The following DNAH14 variants were observed in gnomAD, a reference collection of about 807,000 sequenced individuals.
DNAH14 encodes the protein dynein axonemal heavy chain 14, also known as axonemal beta dynein heavy chain 14.
Under a neutral mutation model 520.9 loss-of-function variants are expected in DNAH14, and 478 were observed. That is an observed-to-expected ratio of 0.92 (90% CI 0.85 to 0.99). DNAH14 has a LOEUF of 0.99. Among genes scored for constraint, DNAH14 ranks in the 50% least tolerant of loss-of-function variants. The pLI, the probability that DNAH14 is intolerant of heterozygous loss-of-function variation, is 0.00. For missense variants in DNAH14, 4,831 were observed against 5,234.5 expected (o/e 0.92, Z 2.38); for synonymous variants, 1,581 against 1,757.2 (o/e 0.90, Z 2.51).
rs768790328 is a variant in DNAH14 at position 225,289,892 on chromosome 1, TA to T, written c.8280del (p.Ile2760MetfsTer16). The T allele has an allele frequency of 7.1e-7, 1 of 1,409,972 alleles. No individual in the cohort carries two copies. Among genetic ancestry groups the T allele is most frequent in the South Asian group, 1.7e-5 (1 of 57,762 alleles). The allele number at this position is 1,409,972 out of a possible 1,614,324, so 87.3% of individuals were successfully genotyped here. A position where few individuals can be genotyped will look rare whatever the true frequency, so the allele number is the denominator to read the frequency against. ...ATTTCTTTTCTCCCAAAGATTGGAA[TA>T]GATGGATGTGGGAAAAAAACATGTG... is the stretch of plus-strand genomic sequence containing the variant. ...QPGSHMLLIG[I>X]DGCGKKTCAT... On this transcript the variant is annotated frameshift_variant, in exon 55 of 86. Coordinates refer to ENST00000682510, the MANE Select transcript of DNAH14 (RefSeq NM_001367479.1). LOFTEE classifies it high-confidence loss of function.
Position 225,222,419 on chromosome 1 carries a change from C to T in DNAH14, c.6440-8654C>T, listed in dbSNP as rs575897111. Among the ~76,000 whole-genome samples the T allele has an allele frequency of 6.6e-5, 10 of 152,242 alleles. No homozygotes were observed. In the South Asian group the frequency reaches 2.1e-3, roughly 32 times the overall value. ...TGGACCTTCACAGTAAGTGTTACAGCCCTTAAAGGTGGCACGGACCCAAAG... is the reference window on the plus strand; with the variant it reads ...TGGACCTTCACAGTAAGTGTTACAGTCCTTAAAGGTGGCACGGACCCAAAG... On this transcript the variant is annotated intron_variant, in intron 41 of 85. Coordinates refer to ENST00000682510, the MANE Select transcript of DNAH14 (RefSeq NM_001367479.1).
At chr1:225,252,981 C>A (rs1414088816) in intron 44 of DNAH14, among the ~76,000 whole-genome samples, 1 of 151,986 alleles carries the variant, frequency 6.6e-6, no homozygotes, top group Non-Finnish European at 1.5e-5. Flanking sequence ...AGAGTTCCTG[C>A]AAATATTAGA....
chr1:224,965,135 AT>A (rs2061082660), intron 5 of DNAH14, among the ~76,000 whole-genome samples: 1 of 152,130 alleles, frequency 6.6e-6, no homozygotes, highest in Non-Finnish European at 1.5e-5. Flanking sequence ...GGTGAAAGCT[AT>A]GGTAAGAACT....
At chr1:225,146,579 A>G (rs745792929) in intron 30 of DNAH14, among the ~76,000 whole-genome samples, 5 of 152,258 alleles carry the variant, frequency 3.3e-5, no homozygotes, top group African/African-American at 4.8e-5. Context: ...GCCCAGCAGC[A>G]GCTGCGTGCT....
Position 225,309,189 on chromosome 1 carries a change from T to C in DNAH14, c.9240+779T>C, listed in dbSNP as rs950535313. On this transcript the variant is annotated intron_variant, in intron 60 of 85. Transcript: ENST00000682510. Reference sequence around the variant, plus strand: ...TTTCTTGTTGGCCTCTTGTCATACCTAATTAGCTCATCATTGTTTTTTACC... The same window carrying C: ...TTTCTTGTTGGCCTCTTGTCATACCCAATTAGCTCATCATTGTTTTTTACC... Among the ~76,000 whole-genome samples the C allele has an allele frequency of 3.3e-5, 5 of 152,358 alleles. No homozygotes were observed. The Middle Eastern group carries it at 0.01, about 311-fold the overall frequency.
chr1:225,321,964 G>T lies in DNAH14; in HGVS notation c.9336-700G>T, dbSNP rs147297110. Reference sequence around the variant, plus strand: ...CACGAGAATAGGGCTGACTCCCAACGCATACACATGTACAGTGTCTCTGTG... The same window carrying T: ...CACGAGAATAGGGCTGACTCCCAACTCATACACATGTACAGTGTCTCTGTG... On this transcript the variant is annotated intron_variant, in intron 61 of 85. Transcript: ENST00000682510. 3.5e-3 allele frequency among the ~76,000 whole-genome samples: 532 copies of T among 151,862 alleles called. 10 individuals are homozygous for T. The highest frequency in any genetic ancestry group is 4.6e-3 in the Non-Finnish European group (311 of 67,954).
intron 17 of DNAH14, among the ~76,000 whole-genome samples, chr1:225,056,324 A>G (rs1381043411): frequency 6.6e-6 from 1 of 152,126 alleles, no homozygotes; most frequent in Non-Finnish European, 1.5e-5. Flanking sequence ...TGGCTGCATA[A>G]ATGTCTTCTT....
At chr1:225,201,724 G>C (rs2086849369) in intron 38 of DNAH14, among the ~76,000 whole-genome samples, 1 of 152,064 alleles carries the variant, frequency 6.6e-6, no homozygotes, top group African/African-American at 2.4e-5. Context: ...AACCATCTAT[G>C]GGTCTCTCAG....
At chr1:225,180,226 C>T (rs763862270) in intron 36 of DNAH14, among the ~76,000 whole-genome samples, 1 of 152,174 alleles carries the variant, frequency 6.6e-6, no homozygotes, top group African/African-American at 2.4e-5. Flanking sequence ...CACTCTCTCT[C>T]GAAGCCTAGT....
intron 69 of DNAH14, 69 bp from the exon 70 acceptor site, chr1:225,345,893 C>G: frequency 7.6e-7 from 1 of 1,310,962 alleles, no homozygotes; most frequent in Non-Finnish European, 1.0e-6. Context: ...ACAAAGAGTG[C>G]AGAGTGAGGA....
intron 8 of DNAH14, among the ~76,000 whole-genome samples, chr1:224,990,870 A>AGTTTTTTGAG (rs1558616851): frequency 5.9e-5 from 9 of 152,134 alleles, no homozygotes; most frequent in Non-Finnish European, 1.3e-4. Flanking sequence ...AGGAACCTCC[A>AGTTTTTTGAG]TACAGTTTTC....
intron 11 of DNAH14, among the ~76,000 whole-genome samples, chr1:225,028,813 A>T (rs1272896224): frequency 6.6e-6 from 1 of 152,076 alleles, no homozygotes; most frequent in East Asian, 1.9e-4. Context: ...GCTCATGAGG[A>T]TGAGGAGCAA....
At chr1:224,934,574 T>C (rs1391045617) in intron 1 of DNAH14, among the ~76,000 whole-genome samples, 2 of 151,890 alleles carry the variant, frequency 1.3e-5, no homozygotes, top group South Asian at 2.1e-4. Flanking sequence ...GAATTATTGA[T>C]ATCCCCAAGG....
At chr1:224,956,696 C>T (rs1047852921) in intron 3 of DNAH14, among the ~76,000 whole-genome samples, 1 of 152,114 alleles carries the variant, frequency 6.6e-6, no homozygotes, top group Non-Finnish European at 1.5e-5. Flanking sequence ...TATTTAGGTA[C>T]ACCTTTAGTT....
At chr1:225,199,852 C>A (rs1354441586) in intron 38 of DNAH14, among the ~76,000 whole-genome samples, 4 of 152,064 alleles carry the variant, frequency 2.6e-5, no homozygotes, top group Non-Finnish European at 5.9e-5. Flanking sequence ...CTGTTAAGTC[C>A]ATTTATTACA....
chr1:225,082,009 G>A (rs1156913054), intron 19 of DNAH14, among the ~76,000 whole-genome samples: 1 of 152,068 alleles, frequency 6.6e-6, no homozygotes, highest in Non-Finnish European at 1.5e-5. Flanking sequence ...TGTGTCTCAT[G>A]CCTGTAATCA....
At chr1:225,320,665 C>G (rs952918308) in intron 61 of DNAH14, among the ~76,000 whole-genome samples, 3 of 152,118 alleles carry the variant, frequency 2.0e-5, no homozygotes, top group African/African-American at 7.2e-5. Context: ...AACAATTGCC[C>G]CATGATACTT....
intron 68 of DNAH14, among the ~76,000 whole-genome samples, chr1:225,338,733 A>G (rs2095114333): frequency 6.6e-6 from 1 of 152,172 alleles, no homozygotes; most frequent in African/African-American, 2.4e-5. Flanking sequence ...AAGAAATAAG[A>G]TGTTTGAATT....
At chr1:225,318,779 A>G (rs1454589495) in intron 61 of DNAH14, 102 bp downstream of exon 61, 5 of 1,085,080 alleles carry the variant, frequency 4.6e-6, no homozygotes, top group Non-Finnish European at 6.5e-6. Flanking sequence ...TACTAAGCCT[A>G]TATTCCATTT....
Sources: gnomAD v4.1 joint callset for allele counts (sites outside exome capture counted in the v4.1 genomes callset) on GRCh38, gnomAD v4.1.1 for gene constraint, MANE v1.5 for transcripts, NCBI Gene and HGNC (gene_info 2026-07-23, HGNC 2026-07-21) for gene names.